The following LRRC63 variants were observed in gnomAD, a reference collection of about 807,000 sequenced individuals.
LRRC63 encodes leucine-rich repeat-containing protein 63.
Under a neutral mutation model 49.5 loss-of-function variants are expected in LRRC63, and 40 were observed. The ratio of observed to expected loss-of-function variants is 0.81; its 90% CI spans 0.63 to 1.05. The LOEUF (loss-of-function observed/expected upper bound fraction) is 1.05, where lower values mean the gene tolerates loss of function less well. LRRC63 is among the 50% of genes least tolerant of loss of function. The probability of loss-of-function intolerance (pLI) is 0.00; values close to 1 mark genes in which losing one functional copy is unlikely to be tolerated. For synonymous variants in LRRC63, 191 were observed against 221.1 expected, an observed-to-expected ratio of 0.86 and a Z score of 1.21; for missense variants, 636 against 663.1, an observed-to-expected ratio of 0.96 and a Z score of 0.45.
chr13:46,242,827 C>T (rs2047103199), intron 5 of LRRC63, among the ~76,000 whole-genome samples: 1 of 150,682 alleles, frequency 6.6e-6, no homozygotes, highest in Non-Finnish European at 1.5e-5. Flanking sequence ...TCTTCAAACA[C>T]AAAGGAGAGA....
intron 2 of LRRC63, among the ~76,000 whole-genome samples, chr13:46,223,286 G>C (rs1237376013): frequency 6.6e-6 from 1 of 152,030 alleles, no homozygotes; most frequent in Non-Finnish European, 1.5e-5. Flanking sequence ...TGTCAGTGTT[G>C]TTGAAGATCA....
chr13:46,232,759 T>C (rs1481372843), intron 4 of LRRC63, among the ~76,000 whole-genome samples: 1 of 151,832 alleles, frequency 6.6e-6, no homozygotes, highest in Non-Finnish European at 1.5e-5. Context: ...AAATAAAATA[T>C]CTGAAAAATG....
chr13:46,212,769 A>G (rs1422964663), intron 1 of LRRC63, among the ~76,000 whole-genome samples: 1 of 152,212 alleles, frequency 6.6e-6, no homozygotes, highest in Non-Finnish European at 1.5e-5. Flanking sequence ...TAATACACAT[A>G]TTTTTAAAAT....
rs554838464 is a variant in LRRC63 at position 46,217,602 on chromosome 13, C to A, written c.85+4483C>A. Among the ~76,000 whole-genome samples the A allele has an allele frequency of 5.3e-5, 8 of 152,184 alleles. No homozygotes were observed. In the East Asian group the frequency reaches 1.5e-3, roughly 29 times the overall value. ...TTTGAAGGGTTTTTCATGTCTTTAA[C>A]TCCTTCAGTTCTGCTCTGATCTTAG... On this transcript the variant is annotated intron_variant, in intron 2 of 9. Transcript: ENST00000595396.
intron 5 of LRRC63, among the ~76,000 whole-genome samples, chr13:46,238,267 A>T (rs529663323): frequency 3.9e-5 from 6 of 152,306 alleles, no homozygotes; most frequent in African/African-American, 1.4e-4. Flanking sequence ...ATTAACAAAG[A>T]TATTCAACAT....
chr13:46,222,869 T>C (rs1254634526), intron 2 of LRRC63, among the ~76,000 whole-genome samples: 2 of 152,068 alleles, frequency 1.3e-5, no homozygotes, highest in East Asian at 1.9e-4. Context: ...CACCATAGAA[T>C]ACTATACAGC....
At chr13:46,274,523 T>C (rs1009831896) in intron 9 of LRRC63, among the ~76,000 whole-genome samples, 2 of 152,166 alleles carry the variant, frequency 1.3e-5, no homozygotes, top group Admixed American at 6.5e-5. Flanking sequence ...TTAGCAGCTA[T>C]GTATGTCTTT....
chr13:46,262,644 CTT>C (rs202148425), intron 8 of LRRC63, among the ~76,000 whole-genome samples: 5,009 of 152,022 alleles, frequency 0.033, 85 homozygotes, highest in Middle Eastern at 0.086. Context: ...TACTCTAAAA[CTT>C]TTTTTTCATT....
At chr13:46,258,151 CGGAGTCTTGTTCTT>C (rs2047547901) in intron 7 of LRRC63, among the ~76,000 whole-genome samples, 1 of 112,326 alleles carries the variant, frequency 8.9e-6, no homozygotes, top group African/African-American at 3.8e-5. Flanking sequence ...TTTTTTGAGA[CGGAGTCTTGTTCTT>C]GTTGCCCAGG....
rs1255996686 is a variant in LRRC63, at chr13:46,228,754, A to G, written c.832+21A>G. On this transcript the variant is annotated intron_variant, in intron 4 of 9. Coordinates refer to ENST00000595396, the Ensembl canonical transcript of LRRC63. ...TGAAGGTAAATGCTAGATTTATACA[A>G]TTCTTTTAGAAAATGTATGTAAGAT... 4.1e-6 allele frequency: 6 copies of G among 1,450,552 alleles called. No individual in the cohort carries two copies. In the African/African-American group the frequency reaches 5.7e-5, roughly 14 times the overall value. The allele number at this position is 1,450,552 out of a possible 1,614,324, so 89.9% of individuals were successfully genotyped here. A position where few individuals can be genotyped will look rare whatever the true frequency, so the allele number is the denominator to read the frequency against.
chr13:46,239,803 A>G (rs930953147), intron 5 of LRRC63, among the ~76,000 whole-genome samples: 8 of 152,244 alleles, frequency 5.3e-5, no homozygotes, highest in African/African-American at 1.7e-4. Flanking sequence ...TTTATCTACC[A>G]TGATCAAGTA....
chr13:46,255,664 A>G (rs1470219407), intron 7 of LRRC63, among the ~76,000 whole-genome samples: 1 of 148,916 alleles, frequency 6.7e-6, no homozygotes, highest in African/African-American at 2.5e-5. Flanking sequence ...ATATATATAT[A>G]TAGTTATTAG....
At chr13:46,247,901 C>T (rs1453667442) in intron 6 of LRRC63, among the ~76,000 whole-genome samples, 1 of 151,940 alleles carries the variant, frequency 6.6e-6, no homozygotes, top group Admixed American at 6.6e-5. Flanking sequence ...GATTCTTAAA[C>T]AGTCATAAAA....
exon 7 of LRRC63, chr13:46,250,361 T>C: frequency 1.3e-6 from 2 of 1,505,132 alleles, no homozygotes; most frequent in South Asian, 1.2e-5. Context: ...CCAGATATTA[T>C]GTCTTAAAAA....
At position 46,255,709 on chromosome 13, in the gene LRRC63, C is replaced by T. The variant is rs550915366; in HGVS notation, c.1226+5218C>T. 2.7e-5 allele frequency among the ~76,000 whole-genome samples: 4 copies of T among 149,268 alleles called. No individual in the cohort carries two copies. The East Asian group carries it at 8.0e-4, about 30-fold the overall frequency. Reference sequence around the variant, plus strand: ...TGCTTTCATCTTTCCTCCTAGTCTTCCTTCTTTCTAAAATTTTTAGGTATA... The same window carrying T: ...TGCTTTCATCTTTCCTCCTAGTCTTTCTTCTTTCTAAAATTTTTAGGTATA... On this transcript the variant is annotated intron_variant, in intron 7 of 9. Coordinates refer to ENST00000595396, the Ensembl canonical transcript of LRRC63.
At chr13:46,235,643 G>T (rs7333244) in intron 5 of LRRC63, among the ~76,000 whole-genome samples, 18,680 of 152,038 alleles carry the variant, frequency 0.12, 1,499 homozygotes, top group African/African-American at 0.21. Flanking sequence ...GTTCACAGAA[G>T]AAACTAACAG....
At chr13:46,272,350 T>C (rs1285113571) in intron 9 of LRRC63, among the ~76,000 whole-genome samples, 3 of 152,192 alleles carry the variant, frequency 2.0e-5, no homozygotes, top group Non-Finnish European at 4.4e-5. Flanking sequence ...GAATATGAAA[T>C]TCATGAATGA....
At chr13:46,274,001 G>T (rs1414541082) in intron 9 of LRRC63, among the ~76,000 whole-genome samples, 2 of 151,988 alleles carry the variant, frequency 1.3e-5, no homozygotes, top group African/African-American at 4.8e-5. Context: ...TGAATGCATT[G>T]GAAGTTTTTT....
At chr13:46,267,037 C>G (rs2047693242) in intron 9 of LRRC63, 65 bp downstream of exon 9, 1 of 1,414,234 alleles carries the variant, frequency 7.1e-7, no homozygotes, top group Non-Finnish European at 9.3e-7. Context: ...TTCTTCATTA[C>G]AGGCTTAGAT....
Sources: gnomAD v4.1 joint callset for allele counts (sites outside exome capture counted in the v4.1 genomes callset) on GRCh38, gnomAD v4.1.1 for gene constraint, MANE v1.5 for transcripts, NCBI Gene and HGNC (gene_info 2026-07-23, HGNC 2026-07-21) for gene names.